The following KHDRBS3 variants were observed in gnomAD, a reference collection of about 807,000 sequenced individuals.
KHDRBS3 encodes KH domain-containing, RNA-binding, signal transduction-associated protein 3.
KHDRBS3 carries 23 observed loss-of-function variants against 45.6 expected under a neutral mutation model. The observed-to-expected ratio is 0.50, with a 90% CI of 0.36 to 0.72. The LOEUF is 0.72. Ranked by LOEUF, KHDRBS3 falls within the 30% of genes least tolerant of loss-of-function variation. The pLI is 0.00. For missense variants in KHDRBS3, 352 were observed against 424.8 expected (o/e 0.83, Z 1.51); for synonymous variants, 162 against 156.5 (o/e 1.04, Z -0.26).
At chr8:135,654,069 C>G (rs913523009) in intron 4 of KHDRBS3, among the ~76,000 whole-genome samples, 2 of 152,132 alleles carry the variant, frequency 1.3e-5, no homozygotes, top group Non-Finnish European at 2.9e-5. Flanking sequence ...ATAAGTAAAG[C>G]ATTTTTTTAA....
chr8:135,607,072 A>G (rs900633714), intron 7 of KHDRBS3, 35 bp downstream of exon 7: 3 of 1,491,120 alleles, frequency 2.0e-6, no homozygotes, highest in Non-Finnish European at 2.8e-6. Context: ...ACCCCACAAC[A>G]GAAACCATCC....
chr8:135,513,121 A>G (rs1284090940), intron 1 of KHDRBS3, among the ~76,000 whole-genome samples: 5 of 151,680 alleles, frequency 3.3e-5, no homozygotes, highest in Non-Finnish European at 1.5e-5. Flanking sequence ...AATGGCATGA[A>G]CCCGGGAGGC....
intron 3 of KHDRBS3, among the ~76,000 whole-genome samples, chr8:135,547,973 GAAAC>G (rs768302133): frequency 5.3e-5 from 8 of 152,062 alleles, no homozygotes; most frequent in Non-Finnish European, 1.0e-4. Context: ...TTTCCTTATG[GAAAC>G]AAACAAAGAT....
intron 2 of KHDRBS3, among the ~76,000 whole-genome samples, chr8:135,531,797 G>A (rs547761867): frequency 2.0e-5 from 3 of 152,210 alleles, no homozygotes; most frequent in South Asian, 4.1e-4. Context: ...ACTTCATTAT[G>A]GGGAATAGTG....
At chr8:135,519,450 G>A (rs184248135) in intron 1 of KHDRBS3, among the ~76,000 whole-genome samples, 1 of 152,250 alleles carries the variant, frequency 6.6e-6, no homozygotes, top group East Asian at 1.9e-4. Flanking sequence ...GAGGCTCCAG[G>A]ATCCTTCCTC....
Position 135,596,859 on chromosome 8 carries a change from G to A in KHDRBS3, c.808-10096G>A, listed in dbSNP as rs187481532. 2.6e-3 allele frequency among the ~76,000 whole-genome samples: 398 copies of A among 152,160 alleles called. 5 individuals are homozygous for A. Among genetic ancestry groups the A allele is most frequent in the Non-Finnish European group, 3.5e-3 (240 of 68,006 alleles). ...AGCGAAGCGTGAAGAGAAGAGACTGGACCACATGGAAAGGACCCTGAGCAC... is the reference window on the plus strand; with the variant it reads ...AGCGAAGCGTGAAGAGAAGAGACTGAACCACATGGAAAGGACCCTGAGCAC... On this transcript the variant is annotated intron_variant, in intron 6 of 8. Coordinates refer to ENST00000355849, the MANE Select transcript of KHDRBS3 (RefSeq NM_006558.3).
chr8:135,631,516 T>C (rs1830603563), intron 7 of KHDRBS3, among the ~76,000 whole-genome samples: 1 of 152,084 alleles, frequency 6.6e-6, no homozygotes, highest in African/African-American at 2.4e-5. Flanking sequence ...CACTACATAG[T>C]GTCAGGATCA....
chr8:135,537,273 A>T (rs532079053), intron 2 of KHDRBS3, among the ~76,000 whole-genome samples: 2 of 152,146 alleles, frequency 1.3e-5, no homozygotes, highest in Non-Finnish European at 2.9e-5. Flanking sequence ...GGTCAGTAAG[A>T]TATCCCTTTA....
intron 1 of KHDRBS3, among the ~76,000 whole-genome samples, chr8:135,512,198 C>T (rs1824322694): frequency 1.3e-5 from 2 of 152,246 alleles, no homozygotes; most frequent in South Asian, 2.1e-4. Flanking sequence ...TTCAGATTAG[C>T]AGCTACAGTA....
chr8:135,585,893 A>AT lies in KHDRBS3; in HGVS notation c.807+3826dup, dbSNP rs1310908195. Among the ~76,000 whole-genome samples the AT allele has an allele frequency of 3.3e-5, 5 of 152,264 alleles. No homozygotes were observed. In the East Asian group the frequency reaches 5.8e-4, roughly 18 times the overall value. ...ATTGTTCAGATGAAGATTACCATTG[A>AT]TTTTTTCTAAGTTCCTGGTAAAAGC... On this transcript the variant is annotated intron_variant, in intron 6 of 8. Coordinates refer to ENST00000355849, the MANE Select transcript of KHDRBS3 (RefSeq NM_006558.3).
chr8:135,473,255 G>A (rs1422279388), intron 1 of KHDRBS3, among the ~76,000 whole-genome samples: 1 of 152,118 alleles, frequency 6.6e-6, no homozygotes, highest in Non-Finnish European at 1.5e-5. Context: ...CTCTTCATTG[G>A]TGACCACGTG....
At chr8:135,489,216 C>CT (rs1823017497) in intron 1 of KHDRBS3, among the ~76,000 whole-genome samples, 1 of 152,130 alleles carries the variant, frequency 6.6e-6, no homozygotes, top group Non-Finnish European at 1.5e-5. Context: ...TAGCTAGACT[C>CT]TAAACCCCAA....
intron 3 of KHDRBS3, among the ~76,000 whole-genome samples, chr8:135,546,067 G>A (rs574395870): frequency 6.6e-6 from 1 of 151,982 alleles, no homozygotes; most frequent in South Asian, 2.1e-4. Flanking sequence ...AACCCGGGAG[G>A]CAGAGGTTGC....
intron 2 of KHDRBS3, among the ~76,000 whole-genome samples, chr8:135,529,537 T>TA (rs147164327): frequency 0.044 from 6,687 of 152,220 alleles, 188 homozygotes; most frequent in Non-Finnish European, 0.062. Context: ...AATTGAAACT[T>TA]AAAGTGAAAT....
At chr8:135,634,081 T>C (rs1158411015) in intron 7 of KHDRBS3, among the ~76,000 whole-genome samples, 1 of 152,226 alleles carries the variant, frequency 6.6e-6, no homozygotes, top group Non-Finnish European at 1.5e-5. Flanking sequence ...GTTACATGTG[T>C]ATACACTTGA....
intron 1 of KHDRBS3, among the ~76,000 whole-genome samples, chr8:135,520,235 G>A (rs546713050): frequency 9.2e-5 from 14 of 152,274 alleles, no homozygotes; most frequent in Admixed American, 3.9e-4. Context: ...AGCTGATGAC[G>A]TCTTTGATAC....
intron 1 of KHDRBS3, among the ~76,000 whole-genome samples, chr8:135,510,957 GTA>G (rs776806900): frequency 2.0e-5 from 3 of 152,200 alleles, no homozygotes; most frequent in Non-Finnish European, 2.9e-5. Context: ...ATTAGGAATT[GTA>G]TTTTAAATAA....
intron 2 of KHDRBS3, among the ~76,000 whole-genome samples, chr8:135,523,111 G>A (rs1339705069): frequency 1.3e-5 from 2 of 152,058 alleles, no homozygotes; most frequent in Non-Finnish European, 2.9e-5. Context: ...CTCCACCTTT[G>A]TCCTTCTTTT....
chr8:135,543,662 C>T (rs895635860), intron 3 of KHDRBS3, among the ~76,000 whole-genome samples: 3 of 152,036 alleles, frequency 2.0e-5, no homozygotes, highest in African/African-American at 7.2e-5. Context: ...TTCATGTTAT[C>T]CTTGGAAAAA....
Sources: gnomAD v4.1 joint callset for allele counts (sites outside exome capture counted in the v4.1 genomes callset) on GRCh38, gnomAD v4.1.1 for gene constraint, MANE v1.5 for transcripts, NCBI Gene and HGNC (gene_info 2026-07-23, HGNC 2026-07-21) for gene names.